Variants in PSMA1 observed in about 807,000 individuals in gnomAD.
The protein encoded by PSMA1 is proteasome 20S subunit alpha 1, also known as proteasome subunit alpha type-1.
A neutral mutation model predicts 38.4 loss-of-function variants in PSMA1; 3 were observed. The observed-to-expected ratio is 0.08, with a 90% confidence interval of 0.04 to 0.20. The LOEUF (loss-of-function observed/expected upper bound fraction) is 0.20, where lower values mean the gene tolerates loss of function less well. Among genes scored for constraint, PSMA1 ranks in the 10% least tolerant of loss-of-function variants. The pLI, the probability that PSMA1 is intolerant of heterozygous loss-of-function variation, is 1.00. For synonymous variants in PSMA1, 101 were observed against 107.1 expected, an observed-to-expected ratio of 0.94 and a Z score of 0.35; for missense variants, 227 against 325.3, an observed-to-expected ratio of 0.70 and a Z score of 2.32.
chr11:14,638,446 T>A (rs1853137719), intron 1 of PSMA1, among the ~76,000 whole-genome samples: 1 of 148,074 alleles, frequency 6.8e-6, no homozygotes, highest in African/African-American at 2.5e-5. Context: ...ATGAATCCTT[T>A]TGAGCTCCTC....
intron 1 of PSMA1, among the ~76,000 whole-genome samples, chr11:14,620,804 C>A (rs1852834941): frequency 6.6e-6 from 1 of 152,154 alleles, no homozygotes. Context: ...AGTGTGGATT[C>A]TTTCCTAGAG....
chr11:14,507,764 A>G lies in PSMA1; in HGVS notation c.627T>C (p.Asn209=). 1 of 1,574,476 alleles carries G rather than the reference A, an allele frequency of 6.4e-7. No homozygotes were observed. Among genetic ancestry groups the G allele is most frequent in the Non-Finnish European group, 8.7e-7 (1 of 1,146,084 alleles). Residue 209 remains asparagine, a splice_region_variant and synonymous_variant, in exon 9 of 10, where the codon AAT becomes AAC. Transcript: ENST00000396394. Reference sequence around the variant, plus strand: ...CTTTACCAACAATTCCAATGGAAACATTCTGAAGGGTAAAATATGGTAAAA... The same window carrying G: ...CTTTACCAACAATTCCAATGGAAACGTTCTGAAGGGTAAAATATGGTAAAA... ...LPAEQDLTTK[N]VSIGIVGKDL...
chr11:14,630,341 C>CA (rs1227484739), intron 1 of PSMA1, among the ~76,000 whole-genome samples: 8 of 152,176 alleles, frequency 5.3e-5, no homozygotes, highest in African/African-American at 1.4e-4. Context: ...TACGTCCCAT[C>CA]AATACCTAAT....
chr11:14,577,728 C>T (rs771903476), intron 2 of PSMA1, among the ~76,000 whole-genome samples: 1 of 152,106 alleles, frequency 6.6e-6, no homozygotes, highest in Non-Finnish European at 1.5e-5. Flanking sequence ...GTGACATGCT[C>T]AAGGCCACAC....
At chr11:14,548,972 C>T (rs538341881) in intron 2 of PSMA1, among the ~76,000 whole-genome samples, 1 of 152,176 alleles carries the variant, frequency 6.6e-6, no homozygotes, top group Admixed American at 6.5e-5. Context: ...CACCTTATGA[C>T]AGGTCTCTAT....
intron 2 of PSMA1, among the ~76,000 whole-genome samples, chr11:14,556,159 CTGGG>C: frequency 6.6e-6 from 1 of 152,272 alleles, no homozygotes; most frequent in African/African-American, 2.4e-5. Context: ...GGTTTACTCA[CTGGG>C]TTTGGTGGAG....
At chr11:14,592,628 G>T (rs538307706) in intron 2 of PSMA1, among the ~76,000 whole-genome samples, 2 of 152,194 alleles carry the variant, frequency 1.3e-5, no homozygotes, top group African/African-American at 4.8e-5. Flanking sequence ...CTTGTGATCC[G>T]CCCGCCTGGG....
intron 2 of PSMA1, among the ~76,000 whole-genome samples, chr11:14,518,602 T>C (rs1364131367): frequency 6.6e-6 from 1 of 152,188 alleles, no homozygotes; most frequent in African/African-American, 2.4e-5. Context: ...ACCTGCATTA[T>C]TAACTGTAGT....
At chr11:14,529,620 T>C (rs1851624043) in intron 2 of PSMA1, among the ~76,000 whole-genome samples, 1 of 152,246 alleles carries the variant, frequency 6.6e-6, no homozygotes, top group African/African-American at 2.4e-5. Context: ...GCTGGTACTC[T>C]TTGAGCTTGG....
At chr11:14,552,016 G>C (rs1425966811) in intron 2 of PSMA1, among the ~76,000 whole-genome samples, 1 of 152,172 alleles carries the variant, frequency 6.6e-6, no homozygotes, top group African/African-American at 2.4e-5. Context: ...CTTCAAGTTA[G>C]TGGTTTTCCT....
intron 2 of PSMA1, among the ~76,000 whole-genome samples, chr11:14,596,956 G>C (rs996729590): frequency 6.6e-6 from 1 of 152,130 alleles, no homozygotes; most frequent in Non-Finnish European, 1.5e-5. Context: ...TAGCATGAAG[G>C]GCTGTTGAAT....
At chr11:14,548,152 T>G (rs1327546369) in intron 2 of PSMA1, among the ~76,000 whole-genome samples, 1 of 149,946 alleles carries the variant, frequency 6.7e-6, no homozygotes, top group Admixed American at 6.6e-5. Context: ...AATTTAATAT[T>G]TATAACATAC....
At chr11:14,589,359 ATATATATGTGTGTGTGTGTGTGTG>A (rs925513965) in intron 2 of PSMA1, among the ~76,000 whole-genome samples, 2 of 132,598 alleles carry the variant, frequency 1.5e-5, no homozygotes, top group African/African-American at 5.6e-5. Context: ...GTGTATATAT[ATATATATGTGTGTGTGTGTGTGTG>A]TATATATATG....
chr11:14,583,461 A>T (rs1415036721), intron 2 of PSMA1, among the ~76,000 whole-genome samples: 1 of 152,164 alleles, frequency 6.6e-6, no homozygotes, highest in Non-Finnish European at 1.5e-5. Context: ...AGACTCCCCA[A>T]CACACTGCCT....
intron 9 of PSMA1, among the ~76,000 whole-genome samples, chr11:14,506,503 CTTT>C (rs1476501422): frequency 1.3e-5 from 2 of 152,124 alleles, no homozygotes; most frequent in Admixed American, 6.6e-5. Flanking sequence ...ATACTAGATT[CTTT>C]TTTACTTTCA....
chr11:14,567,283 A>T (rs965648210), intron 2 of PSMA1, among the ~76,000 whole-genome samples: 2 of 152,120 alleles, frequency 1.3e-5, no homozygotes, highest in African/African-American at 4.8e-5. Context: ...CTTCTTTTCT[A>T]TTTTAGCTAG....
intron 2 of PSMA1, among the ~76,000 whole-genome samples, chr11:14,526,381 A>C (rs1022010256): frequency 3.3e-5 from 5 of 152,242 alleles, no homozygotes; most frequent in African/African-American, 1.2e-4. Flanking sequence ...AGGGCTGTGC[A>C]GTCAGAATTC....
chr11:14,570,006 AAAGCTTCCAGAGGAAGGATC>A (rs552859737), intron 2 of PSMA1, among the ~76,000 whole-genome samples: 88 of 152,296 alleles, frequency 5.8e-4, no homozygotes, highest in African/African-American at 2.1e-3. Flanking sequence ...CCTCTGAGAC[AAAGCTTCCAGAGGAAGGATC>A]AGACAGCAAC....
At chr11:14,562,921 C>A (rs1412619010) in intron 2 of PSMA1, among the ~76,000 whole-genome samples, 1 of 152,146 alleles carries the variant, frequency 6.6e-6, no homozygotes, top group African/African-American at 2.4e-5. Flanking sequence ...GTTTATAAAA[C>A]TCTTAATGCC....
Sources: allele counts gnomAD v4.1 joint callset (sites outside exome capture counted in the v4.1 genomes callset), GRCh38; gene constraint gnomAD v4.1.1; transcripts MANE v1.5; gene names NCBI Gene and HGNC (gene_info 2026-07-23, HGNC 2026-07-21).